Variants in SVOP observed in about 807,000 individuals in gnomAD.
SVOP encodes the protein SV2 related protein.
In SVOP, 17 loss-of-function variants were observed where a neutral mutation model predicts 69.1. The observed-to-expected ratio is 0.25, with a 90% CI of 0.17 to 0.37. The LOEUF is 0.37. Among genes scored for constraint, SVOP ranks in the 10% least tolerant of loss-of-function variants. The probability of loss-of-function intolerance (pLI) is 1.00; values close to 1 mark genes in which losing one functional copy is unlikely to be tolerated. For missense variants in SVOP, 435 were observed against 597.5 expected (o/e 0.73, Z 2.84); for synonymous variants, 238 against 238.6 (o/e 1.00, Z 0.02).
At chr12:109,000,098 A>T (rs535090334) in intron 1 of SVOP, among the ~76,000 whole-genome samples, 3 of 152,316 alleles carry the variant, frequency 2.0e-5, no homozygotes, top group Admixed American at 2.0e-4. Context: ...AGAAGAATCA[A>T]ATAGACACAA....
intron 11 of SVOP, among the ~76,000 whole-genome samples, chr12:108,928,683 C>T (rs1593180026): frequency 1.3e-5 from 2 of 151,692 alleles, no homozygotes; most frequent in Admixed American, 6.6e-5. Context: ...CCTCCCAGTT[C>T]AGCCTCCCAA....
intron 8 of SVOP, among the ~76,000 whole-genome samples, chr12:108,939,242 C>T (rs2039874637): frequency 3.3e-5 from 5 of 152,140 alleles, no homozygotes; most frequent in South Asian, 2.1e-4. Flanking sequence ...AGGCAAGGTG[C>T]CTAGTGCAGT....
intron 11 of SVOP, among the ~76,000 whole-genome samples, chr12:108,932,600 C>A (rs755878677): frequency 6.6e-6 from 1 of 152,064 alleles, no homozygotes; most frequent in African/African-American, 2.4e-5. Flanking sequence ...ATCTACTGAA[C>A]GAATCCCTTC....
chr12:108,938,914 G>C lies in SVOP; in HGVS notation c.810C>G (p.Asn270Lys), dbSNP rs201889778. The C allele has an allele frequency of 3.1e-6, 5 of 1,613,898 alleles. No individual in the cohort carries two copies. Among genetic ancestry groups the C allele is most frequent in the Middle Eastern group, 1.6e-4 (1 of 6,084 alleles). ...ESARYDVLSG[N>K]QEKAIATLKR... ...TTAAGGTGGCGATTGCCTTTTCCTG[G>C]TTCCCTGACAGCACATCATACCTTG... The change falls in exon 9 of 16, where the codon AAC (asparagine) becomes AAG (lysine). Residue 270 changes from asparagine (N) to lysine (K), a missense_variant. Asn to Lys is a moderately conservative substitution (Grantham distance 94, BLOSUM62 0). Coordinates refer to ENST00000610966, the MANE Select transcript of SVOP (RefSeq NM_018711.5).
chr12:109,020,766 C>G (rs1233123626), intron 1 of SVOP, 68 bp downstream of exon 1: 1 of 413,254 alleles, frequency 2.4e-6, no homozygotes, highest in Non-Finnish European at 4.8e-6. Flanking sequence ...CCCCCCCCAC[C>G]CCCCTTGCAG....
intron 1 of SVOP, 74 bp downstream of exon 1, chr12:109,020,760 C>CG (rs1480484809): frequency 1.5e-5 from 5 of 340,262 alleles, no homozygotes; most frequent in Non-Finnish European, 2.9e-5. Flanking sequence ...ATGTACCCCC[C>CG]CCCACCCCCC....
At chr12:108,978,032 T>C (rs1476305796) in intron 3 of SVOP, among the ~76,000 whole-genome samples, 1 of 152,120 alleles carries the variant, frequency 6.6e-6, no homozygotes. Context: ...AGCATGCCCA[T>C]GTCTTGGGAA....
intron 11 of SVOP, among the ~76,000 whole-genome samples, chr12:108,926,038 C>A (rs561929084): frequency 6.6e-6 from 1 of 152,004 alleles, no homozygotes; most frequent in Non-Finnish European, 1.5e-5. Flanking sequence ...CCCACCTCAG[C>A]CTCCCAAATA....
intron 1 of SVOP, 77 bp downstream of exon 1, chr12:109,020,754 ACCC>A: frequency 4.2e-6 from 1 of 237,612 alleles, no homozygotes; most frequent in Non-Finnish European, 8.2e-6. Flanking sequence ...GCAGAGATGT[ACCC>A]CCCCCCACCC....
At chr12:108,981,286 T>C (rs2040134005) in intron 2 of SVOP, among the ~76,000 whole-genome samples, 1 of 152,198 alleles carries the variant, frequency 6.6e-6, no homozygotes, top group African/African-American at 2.4e-5. Flanking sequence ...GAGGAGGATA[T>C]GGACTTGCCC....
At chr12:108,937,219 AC>A in intron 10 of SVOP, 44 bp downstream of exon 10, 1 of 1,598,314 alleles carries the variant, frequency 6.3e-7, no homozygotes, top group Non-Finnish European at 8.6e-7. Context: ...AAAACAGGGC[AC>A]AGGGAGTGGA....
intron 6 of SVOP, among the ~76,000 whole-genome samples, chr12:108,957,963 C>A (rs1277799442): frequency 6.6e-6 from 1 of 152,214 alleles, no homozygotes; most frequent in African/African-American, 2.4e-5. Context: ...CCTGGAGGAA[C>A]TGTTCTTAGG....
intron 13 of SVOP, 31 bp from the exon 14 acceptor site, chr12:108,918,155 T>G: frequency 1.3e-6 from 2 of 1,515,682 alleles, no homozygotes; most frequent in Non-Finnish European, 1.8e-6. Flanking sequence ...GATGATGGCA[T>G]TTTTTTCTGT....
intron 4 of SVOP, among the ~76,000 whole-genome samples, chr12:108,973,323 G>T (rs940304193): frequency 2.0e-5 from 3 of 152,078 alleles, no homozygotes; most frequent in African/African-American, 7.2e-5. Context: ...CCGAGGGCAG[G>T]GAGTGGGGAT....
intron 1 of SVOP, among the ~76,000 whole-genome samples, chr12:108,986,052 GC>G (rs1197420790): frequency 6.6e-6 from 1 of 152,184 alleles, no homozygotes; most frequent in Non-Finnish European, 1.5e-5. Context: ...GAAATGCAGG[GC>G]CCAGCACAGG....
At chr12:108,959,556 G>A (rs754201551) in intron 6 of SVOP, among the ~76,000 whole-genome samples, 5 of 151,996 alleles carry the variant, frequency 3.3e-5, no homozygotes, top group African/African-American at 7.2e-5. Context: ...GTTTCACCAT[G>A]TTGGTCAGGC....
chr12:108,931,064 A>T (rs182340182), intron 11 of SVOP, among the ~76,000 whole-genome samples: 40 of 152,316 alleles, frequency 2.6e-4, no homozygotes, highest in African/African-American at 8.9e-4. Context: ...TAGCTTAAGC[A>T]TTCTACTCTT....
chr12:109,021,026 C>T lies in SVOP; in HGVS notation c.-158G>A. ...GGGGAGGGAGCCGCTGGGGACCAGC[C>T]CACGAGACAAAGCCTCCGCCGCCAG... On this transcript the variant is annotated 5_prime_UTR_variant, in exon 1 of 16. Coordinates refer to ENST00000610966, the MANE Select transcript of SVOP (RefSeq NM_018711.5). 1.8e-6 allele frequency: 1 copy of T among 555,812 alleles called. No individual in the cohort carries two copies. The highest frequency in any genetic ancestry group is 3.2e-6 in the Non-Finnish European group (1 of 310,182). 34.4% of individuals were successfully genotyped at this position (555,812 alleles called of 1,614,324 possible).
At chr12:108,913,577 C>T (rs192858280) in intron 15 of SVOP, among the ~76,000 whole-genome samples, 1 of 152,296 alleles carries the variant, frequency 6.6e-6, no homozygotes, top group East Asian at 1.9e-4. Context: ...CTCTTCTCTC[C>T]TCTGGAACAG....
Sources: allele counts gnomAD v4.1 joint callset (sites outside exome capture counted in the v4.1 genomes callset), GRCh38; gene constraint gnomAD v4.1.1; transcripts MANE v1.5; gene names NCBI Gene and HGNC (gene_info 2026-07-23, HGNC 2026-07-21).